Variants in DRC8 observed in about 807,000 individuals in gnomAD.
DRC8 encodes dynein regulatory complex protein 8.
the DRC8 span, among the ~76,000 whole-genome samples, chr1:245,079,877 G>A: frequency 2.6e-5 from 4 of 152,194 alleles, no homozygotes; most frequent in Admixed American, 2.0e-4. Context: ...GTTGCAGAGT[G>A]CTGCTCAAGT....
chr1:245,100,458 C>T, the DRC8 span, among the ~76,000 whole-genome samples: 3,852 of 150,788 alleles, frequency 0.026, 172 homozygotes, highest in African/African-American at 0.084. Flanking sequence ...GATCAGTTTT[C>T]CCGTAAATGA....
At chr1:245,057,928 C>A in the DRC8 span, among the ~76,000 whole-genome samples, 1 of 152,158 alleles carries the variant, frequency 6.6e-6, no homozygotes, top group Non-Finnish European at 1.5e-5. Flanking sequence ...AACCCAATAT[C>A]TCTTTGTCCT....
chr1:245,048,638 G>A, the DRC8 span, among the ~76,000 whole-genome samples: 4 of 151,996 alleles, frequency 2.6e-5, no homozygotes, highest in Middle Eastern at 0.014. Context: ...TGCCACATTT[G>A]TTTTTGCCTC....
chr1:245,052,644 T>C, the DRC8 span, among the ~76,000 whole-genome samples: 1 of 152,182 alleles, frequency 6.6e-6, no homozygotes, highest in Non-Finnish European at 1.5e-5. Flanking sequence ...CAGAGGTCAG[T>C]CGGCTGGAGA....
At chr1:245,073,846 T>C in the DRC8 span, among the ~76,000 whole-genome samples, 1 of 152,226 alleles carries the variant, frequency 6.6e-6, no homozygotes, top group Non-Finnish European at 1.5e-5. Flanking sequence ...GTGATTTGTA[T>C]TCTTTGTGCT....
chr1:245,020,883 G>A, the DRC8 span, among the ~76,000 whole-genome samples: 1 of 151,526 alleles, frequency 6.6e-6, no homozygotes, highest in South Asian at 2.1e-4. Flanking sequence ...ACCCACCTTG[G>A]CCTCCCAAAG....
the DRC8 span, among the ~76,000 whole-genome samples, chr1:244,993,047 T>A: frequency 6.6e-6 from 1 of 152,192 alleles, no homozygotes; most frequent in African/African-American, 2.4e-5. Context: ...CATGCAACAT[T>A]GCATCTGGTA....
At chr1:244,972,003 A>G in the DRC8 span, among the ~76,000 whole-genome samples, 1 of 150,488 alleles carries the variant, frequency 6.6e-6, no homozygotes. Context: ...CTAGCAAGGT[A>G]ATTATGGATA....
At chr1:245,049,114 A>G in the DRC8 span, among the ~76,000 whole-genome samples, 1 of 151,894 alleles carries the variant, frequency 6.6e-6, no homozygotes, top group Non-Finnish European at 1.5e-5. The surrounding 1 kb of genome is among the most constrained non-coding windows in gnomAD (Gnocchi z 4.5). Flanking sequence ...CCTCTCGAGT[A>G]GCTGGACTTA....
the DRC8 span, among the ~76,000 whole-genome samples, chr1:245,047,881 A>C: frequency 6.7e-6 from 1 of 149,722 alleles, no homozygotes; most frequent in Non-Finnish European, 1.5e-5. Context: ...AGGCTGCGGC[A>C]GGGGAATCGC....
the DRC8 span, among the ~76,000 whole-genome samples, chr1:245,000,717 C>G: frequency 6.6e-6 from 1 of 150,844 alleles, no homozygotes; most frequent in African/African-American, 2.4e-5. Flanking sequence ...GGAGGCGGAG[C>G]TTGCTGTGAC....
chr1:245,019,994 C>T, the DRC8 span, among the ~76,000 whole-genome samples: 4 of 151,868 alleles, frequency 2.6e-5, no homozygotes, highest in East Asian at 1.9e-4. Flanking sequence ...TGTCTTTGAA[C>T]GGAGGGAGAG....
the DRC8 span, chr1:245,017,193 G>T: frequency 6.4e-7 from 1 of 1,553,322 alleles, no homozygotes; most frequent in South Asian, 1.2e-5. Flanking sequence ...TTTTTGTTTT[G>T]AATTCAAAGC....
chr1:245,109,761 G>A, the DRC8 span, among the ~76,000 whole-genome samples: 1 of 152,244 alleles, frequency 6.6e-6, no homozygotes, highest in Non-Finnish European at 1.5e-5. Flanking sequence ...GCAAGTGGCA[G>A]GGCCATGTTG....
the DRC8 span, among the ~76,000 whole-genome samples, chr1:244,976,714 T>C: frequency 2.6e-5 from 4 of 152,264 alleles, no homozygotes; most frequent in South Asian, 8.3e-4. Context: ...GTGCAGCTAC[T>C]ATGGAAAGTG....
chr1:245,008,882 C>G, the DRC8 span, among the ~76,000 whole-genome samples: 1 of 151,654 alleles, frequency 6.6e-6, no homozygotes, highest in Non-Finnish European at 1.5e-5. Context: ...GAAGTGAGGT[C>G]TCGCTATGTT....
chr1:245,123,883 G>T, the DRC8 span: 1 of 149,572 alleles, frequency 6.7e-6, no homozygotes, highest in Non-Finnish European at 1.5e-5. This position sits in a 1 kb window ranked among gnomAD's most constrained non-coding sequence, Gnocchi z 5.0. Flanking sequence ...TTTTAAGCCA[G>T]GTTTCTTTTT....
the DRC8 span, among the ~76,000 whole-genome samples, chr1:245,043,014 T>C: frequency 6.6e-6 from 1 of 152,206 alleles, no homozygotes; most frequent in African/African-American, 2.4e-5. Flanking sequence ...ATAGTCTTAC[T>C]CCTATGCCCA....
chr1:245,045,655 G>A, the DRC8 span, among the ~76,000 whole-genome samples: 1 of 152,188 alleles, frequency 6.6e-6, no homozygotes, highest in South Asian at 2.1e-4. Context: ...ACACCCCTGT[G>A]CAAACAGGAG....
Sources: gnomAD v4.1 joint callset for allele counts (sites outside exome capture counted in the v4.1 genomes callset) on GRCh38, gnomAD v4.1.1 for gene constraint, Gnocchi (gnomAD v3.1) non-coding constraint, MANE v1.5 for transcripts, NCBI Gene and HGNC (gene_info 2026-07-23, HGNC 2026-07-21) for gene names.